SAXO4: variants seen among roughly 807,000 people sequenced by gnomAD.
SAXO4 encodes stabilizer of axonemal microtubules 4, also known as protein phosphatase 1 regulatory subunit 32.
chr11:61,481,491 T>C, the SAXO4 span, among the ~76,000 whole-genome samples: 2 of 152,164 alleles, frequency 1.3e-5, no homozygotes, highest in East Asian at 3.9e-4. Flanking sequence ...CACTACCACC[T>C]ATTATGGAGC....
chr11:61,487,008 C>G, the SAXO4 span: 7 of 1,613,996 alleles, frequency 4.3e-6, no homozygotes, highest in Admixed American at 1.7e-5. Context: ...GCCACTTCAT[C>G]GGATGCAACA....
the SAXO4 span, chr11:61,487,022 A>C: frequency 6.2e-7 from 1 of 1,614,152 alleles, no homozygotes; most frequent in Admixed American, 1.7e-5. Flanking sequence ...TGCAACAGAC[A>C]AACGTTGCCC....
At chr11:61,489,369 C>T in the SAXO4 span, 2 of 410,296 alleles carry the variant, frequency 4.9e-6, no homozygotes, top group African/African-American at 4.0e-5. Context: ...TCTGCACCCC[C>T]TCTTCATAAG....
chr11:61,488,186 C>T, the SAXO4 span, among the ~76,000 whole-genome samples: 1 of 151,752 alleles, frequency 6.6e-6, no homozygotes, highest in African/African-American at 2.4e-5. Flanking sequence ...GGGGTTTCGC[C>T]ATGTTGGCCC....
the SAXO4 span, chr11:61,487,177 T>C: frequency 1.2e-6 from 2 of 1,613,970 alleles, no homozygotes; most frequent in African/African-American, 1.3e-5. Flanking sequence ...AACAACCCCA[T>C]GTATGTCCGG....
the SAXO4 span, chr11:61,482,880 T>G: frequency 6.9e-7 from 1 of 1,455,082 alleles, no homozygotes. Flanking sequence ...CTGCCAACAG[T>G]TGGTCAAGGT....
At chr11:61,484,942 G>A in the SAXO4 span, 163 of 1,211,956 alleles carry the variant, frequency 1.3e-4, no homozygotes, top group East Asian at 5.0e-4. Flanking sequence ...GGCTCAGGGC[G>A]CCAAGAAAGA....
the SAXO4 span, among the ~76,000 whole-genome samples, chr11:61,483,168 T>C: frequency 1.9e-4 from 26 of 139,012 alleles, no homozygotes; most frequent in East Asian, 1.4e-3. Flanking sequence ...CTTTTTCTTT[T>C]TTTTTTTTTT....
At chr11:61,486,434 G>A in the SAXO4 span, 5 of 1,613,630 alleles carry the variant, frequency 3.1e-6, no homozygotes, top group South Asian at 1.1e-5. Flanking sequence ...GCTGGGGACC[G>A]CCTGGCGGGG....
chr11:61,486,544 G>A, the SAXO4 span: 1 of 1,614,214 alleles, frequency 6.2e-7, no homozygotes, highest in African/African-American at 1.3e-5. Flanking sequence ...TCCTACCTGT[G>A]TTGGCCAGAG....
At chr11:61,486,932 G>GT in the SAXO4 span, 1 of 1,611,096 alleles carries the variant, frequency 6.2e-7, no homozygotes, top group South Asian at 1.1e-5. Flanking sequence ...CCTTCTGGTG[G>GT]TTCTGTGCCC....
At chr11:61,486,487 C>T in the SAXO4 span, 1 of 1,612,858 alleles carries the variant, frequency 6.2e-7, no homozygotes, top group East Asian at 2.2e-5. Flanking sequence ...GGGAGGCAGC[C>T]ACATCCTGGT....
At chr11:61,484,560 G>A in the SAXO4 span, 3 of 1,205,398 alleles carry the variant, frequency 2.5e-6, no homozygotes, top group African/African-American at 3.1e-5. Flanking sequence ...GGGACATGCA[G>A]GTTTCATTGT....
chr11:61,490,152 C>G, the SAXO4 span, among the ~76,000 whole-genome samples: 1 of 152,116 alleles, frequency 6.6e-6, no homozygotes. Flanking sequence ...CAGATGGCTC[C>G]TCCTCCCTCT....
At chr11:61,490,592 G>C in the SAXO4 span, 1 of 1,609,316 alleles carries the variant, frequency 6.2e-7, no homozygotes, top group Non-Finnish European at 8.5e-7. Context: ...TTGGTAAGGG[G>C]CTGGGGATCC....
the SAXO4 span, chr11:61,482,609 G>A: frequency 6.2e-7 from 1 of 1,613,506 alleles, no homozygotes; most frequent in Non-Finnish European, 8.5e-7. Context: ...CCTTAGCAGA[G>A]GACAGAGGCA....
chr11:61,490,077 C>T, the SAXO4 span: 9 of 910,796 alleles, frequency 9.9e-6, no homozygotes, highest in Non-Finnish European at 1.5e-5. Flanking sequence ...CTCTGGCTGG[C>T]TCTGGTGTCC....
the SAXO4 span, chr11:61,485,258 A>C: frequency 3.2e-6 from 4 of 1,233,962 alleles, no homozygotes; most frequent in Non-Finnish European, 4.7e-6. Flanking sequence ...CAGAGAACCG[A>C]GGCGCCACTC....
the SAXO4 span, chr11:61,484,856 AG>A: frequency 2.0e-6 from 3 of 1,526,260 alleles, no homozygotes; most frequent in Non-Finnish European, 2.6e-6. Context: ...GGTGGGGCAG[AG>A]GGGCCACACC....
Sources: allele counts gnomAD v4.1 joint callset (sites outside exome capture counted in the v4.1 genomes callset), GRCh38; gene constraint gnomAD v4.1.1; transcripts MANE v1.5; gene names NCBI Gene and HGNC (gene_info 2026-07-23, HGNC 2026-07-21).